Variants in PCDH7 observed in about 807,000 individuals in gnomAD.
PCDH7 encodes protocadherin 7.
PCDH7 carries 17 observed loss-of-function variants against 58.9 expected under a neutral mutation model. That is an observed-to-expected ratio of 0.29 (90% CI 0.20 to 0.43). The LOEUF (loss-of-function observed/expected upper bound fraction) is 0.43, where lower values mean the gene tolerates loss of function less well. Among genes scored for constraint, PCDH7 ranks in the 20% least tolerant of loss-of-function variants. The pLI is 1.00. For synonymous variants in PCDH7, 664 were observed against 616.4 expected (o/e 1.08, Z -1.14); for missense variants, 1,274 against 1,441.0 (o/e 0.88, Z 1.88).
At chr4:31,006,147 T>G (rs1208620374) in intron 3 of PCDH7, among the ~76,000 whole-genome samples, 1 of 152,226 alleles carries the variant, frequency 6.6e-6, no homozygotes, top group Admixed American at 6.5e-5. Context: ...TTAAATCAAA[T>G]GTCATTGATT....
chr4:31,116,639 C>T (rs1458741294), intron 3 of PCDH7, among the ~76,000 whole-genome samples: 1 of 151,938 alleles, frequency 6.6e-6, no homozygotes, highest in Non-Finnish European at 1.5e-5. Flanking sequence ...AATATGGTCT[C>T]AAATGCAAGT....
chr4:30,989,147 T>TG (rs1230785447), intron 3 of PCDH7, among the ~76,000 whole-genome samples: 1 of 103,572 alleles, frequency 9.7e-6, no homozygotes, highest in East Asian at 3.5e-4. Flanking sequence ...CAAATCACAG[T>TG]TTTTTTTTTC....
At chr4:30,780,160 A>G (rs895932621) in intron 1 of PCDH7, among the ~76,000 whole-genome samples, 2 of 152,180 alleles carry the variant, frequency 1.3e-5, no homozygotes, top group Admixed American at 6.6e-5. Flanking sequence ...GGTATGGTCT[A>G]TTTGTAGTAA....
At chr4:30,902,850 A>G (rs1740412669) in intron 1 of PCDH7, among the ~76,000 whole-genome samples, 1 of 152,166 alleles carries the variant, frequency 6.6e-6, no homozygotes, top group Admixed American at 6.6e-5. Context: ...CTATTGCCTC[A>G]TAGATTTGTT....
intron 3 of PCDH7, among the ~76,000 whole-genome samples, chr4:31,024,990 G>A (rs369168076): frequency 1.3e-5 from 2 of 152,184 alleles, no homozygotes; most frequent in East Asian, 3.9e-4. Flanking sequence ...TGACCCACCC[G>A]CCTCGGCCTC....
At chr4:31,084,328 GA>G (rs1451740101) in intron 3 of PCDH7, among the ~76,000 whole-genome samples, 1 of 152,128 alleles carries the variant, frequency 6.6e-6, no homozygotes, top group Non-Finnish European at 1.5e-5. Context: ...GTAGGGACAG[GA>G]ATTTAATTTT....
intron 2 of PCDH7, among the ~76,000 whole-genome samples, chr4:30,923,222 C>G (rs1743412063): frequency 6.6e-6 from 1 of 152,106 alleles, no homozygotes; most frequent in African/African-American, 2.4e-5. Context: ...TTGGGATTAA[C>G]TTTCATTGTA....
At chr4:31,085,831 A>C (rs932617645) in intron 3 of PCDH7, among the ~76,000 whole-genome samples, 1 of 146,814 alleles carries the variant, frequency 6.8e-6, no homozygotes, top group Admixed American at 7.0e-5. Flanking sequence ...TACACATCAG[A>C]CTCTTTTCTC....
At chr4:30,978,586 C>G (rs1170309944) in intron 3 of PCDH7, among the ~76,000 whole-genome samples, 2 of 152,048 alleles carry the variant, frequency 1.3e-5, no homozygotes, top group African/African-American at 4.8e-5. Context: ...AAGTTTTAAA[C>G]TTTCTGAGCT....
rs1000172418 is a variant in PCDH7, at chr4:30,722,079, G to T, written c.657G>T (p.Ser219=). ...GGAACGGCGCGAGCGGCGGCGGCTC[G>T]GGAGGCTCCAAGCGGCGGCTGGACG... is the stretch of plus-strand genomic sequence containing the variant. Residue 219 remains serine, a synonymous_variant, in exon 1 of 2, where the codon TCG becomes TCT. Coordinates refer to ENST00000361762, the Ensembl canonical transcript of PCDH7. This position sits in a 1 kb window ranked among gnomAD's most constrained non-coding sequence, Gnocchi z 7.6. 2.5e-5 allele frequency: 32 copies of T among 1,294,678 alleles called. No individual in the cohort carries two copies. Among genetic ancestry groups the T allele is most frequent in the Admixed American group, 2.1e-4 (5 of 23,964 alleles). 80.2% of individuals were successfully genotyped at this position (1,294,678 alleles called of 1,614,324 possible). A position where few individuals can be genotyped will look rare whatever the true frequency, so the allele number is the denominator to read the frequency against.
At chr4:30,865,191 A>G (rs972204993) in intron 1 of PCDH7, among the ~76,000 whole-genome samples, 25 of 152,104 alleles carry the variant, frequency 1.6e-4, no homozygotes, top group Admixed American at 6.6e-5. Flanking sequence ...CATATAAAAA[A>G]AGGCTGAAGA....
intron 3 of PCDH7, among the ~76,000 whole-genome samples, chr4:31,036,100 G>T (rs780625439): frequency 6.6e-6 from 1 of 152,150 alleles, no homozygotes; most frequent in Admixed American, 6.5e-5. Flanking sequence ...AAAATGTGAA[G>T]GGTTTATTGT....
chr4:30,787,935 T>G (rs1723623230), intron 1 of PCDH7, among the ~76,000 whole-genome samples: 1 of 152,106 alleles, frequency 6.6e-6, no homozygotes, highest in Non-Finnish European at 1.5e-5. Flanking sequence ...TAAAATAGAA[T>G]GACTACTTCA....
chr4:30,870,650 G>A (rs1735462219), intron 1 of PCDH7, among the ~76,000 whole-genome samples: 1 of 152,044 alleles, frequency 6.6e-6, no homozygotes, highest in Non-Finnish European at 1.5e-5. Flanking sequence ...TTGCCTCCAG[G>A]AAGTGCGAAA....
intron 1 of PCDH7, among the ~76,000 whole-genome samples, chr4:30,915,602 C>A (rs1742346755): frequency 6.6e-6 from 1 of 152,136 alleles, no homozygotes; most frequent in Admixed American, 6.5e-5. Flanking sequence ...CGGCTCACTG[C>A]AACCTTTGCC....
intron 1 of PCDH7, among the ~76,000 whole-genome samples, chr4:30,749,813 A>C (rs1718268694): frequency 6.6e-6 from 1 of 152,190 alleles, no homozygotes; most frequent in African/African-American, 2.4e-5. Flanking sequence ...AGTGCAGTAC[A>C]ATGAAAATTA....
intron 3 of PCDH7, among the ~76,000 whole-genome samples, chr4:31,103,278 T>C (rs768318840): frequency 7.9e-5 from 12 of 152,112 alleles, no homozygotes; most frequent in Non-Finnish European, 1.6e-4. Context: ...ATATTTTATT[T>C]ATTTATTTAT....
intron 1 of PCDH7, among the ~76,000 whole-genome samples, chr4:30,805,213 C>T (rs1726030359): frequency 6.6e-6 from 1 of 152,142 alleles, no homozygotes; most frequent in Non-Finnish European, 1.5e-5. Context: ...ATCACCATCC[C>T]GGACTTCTCC....
At chr4:31,017,487 G>A (rs1036543660) in intron 3 of PCDH7, among the ~76,000 whole-genome samples, 1 of 151,986 alleles carries the variant, frequency 6.6e-6, no homozygotes, top group Non-Finnish European at 1.5e-5. Flanking sequence ...ATCACTTATT[G>A]ACTGAATGAA....
Sources: gnomAD v4.1 joint callset for allele counts (sites outside exome capture counted in the v4.1 genomes callset) on GRCh38, gnomAD v4.1.1 for gene constraint, Gnocchi (gnomAD v3.1) non-coding constraint, MANE v1.5 for transcripts, NCBI Gene and HGNC (gene_info 2026-07-23, HGNC 2026-07-21) for gene names.